Variants in PTPN13 observed in about 807,000 individuals in gnomAD.
PTPN13 encodes the protein tyrosine-protein phosphatase non-receptor type 13.
A neutral mutation model predicts 284.0 loss-of-function variants in PTPN13; 191 were observed. The observed-to-expected ratio is 0.67, with a 90% confidence interval of 0.60 to 0.76. The LOEUF is 0.76. PTPN13 is among the 30% of genes least tolerant of loss of function. PTPN13 has a pLI of 0.00. For synonymous variants in PTPN13, 986 were observed against 1,022.3 expected (o/e 0.96, Z 0.68); for missense variants, 2,797 against 2,939.9 (o/e 0.95, Z 1.12).
chr4:86,674,988 A>C (rs1256184046), intron 3 of PTPN13, among the ~76,000 whole-genome samples: 1 of 152,168 alleles, frequency 6.6e-6, no homozygotes, highest in African/African-American at 2.4e-5. Context: ...AGCATTTAAA[A>C]CCCACAATAA....
At chr4:86,741,913 G>T (rs970567415) in intron 16 of PTPN13, 97 bp downstream of exon 16, 1 of 1,023,344 alleles carries the variant, frequency 9.8e-7, no homozygotes, top group Non-Finnish European at 1.4e-6. Context: ...CTGCCATTCA[G>T]TGGGGATAAT....
chr4:86,722,194 C>A lies in PTPN13; in HGVS notation c.1386-18C>A. On this transcript the variant is annotated intron_variant, in intron 9 of 47. Transcript: ENST00000411767. ...TGTTTTCCTCCCAATCCTCACCTGT[C>A]TCCTCTTTTCTATATAGCAGACAAT... 6.3e-7 allele frequency: 1 copy of A among 1,584,020 alleles called. No individual in the cohort carries two copies. Among genetic ancestry groups the A allele is most frequent in the Non-Finnish European group, 8.7e-7 (1 of 1,153,166 alleles).
At chr4:86,737,063 T>C (rs534267645) in intron 15 of PTPN13, among the ~76,000 whole-genome samples, 11 of 152,164 alleles carry the variant, frequency 7.2e-5, no homozygotes, top group African/African-American at 2.4e-4. Context: ...AAGTGTTTGG[T>C]GAGTTTTTAA....
Position 86,762,919 on chromosome 4 carries a change from C to T in PTPN13, c.3746C>T (p.Ser1249Phe), listed in dbSNP as rs1384108850. 6.2e-7 allele frequency: 1 copy of T among 1,613,766 alleles called. No homozygotes were observed. The highest frequency in any genetic ancestry group is 8.5e-7 in the Non-Finnish European group (1 of 1,179,842). The change falls in exon 24 of 48, where the codon TCC becomes TTC. Residue 1249 changes from serine (S) to phenylalanine (F), a missense_variant. Physicochemically the swap from Ser to Phe is radical, Grantham distance 155. Transcript: ENST00000411767. ...GAAGGAAGCCTGAGTTCTCAAGATT[C>T]CAGGACTGAGAGTGCCAGCTTGTCT... ...LREGSLSSQD[S>F]RTESASLSQS...
At position 86,714,481 on chromosome 4, in the gene PTPN13, C is replaced by T. The variant is rs547726196; in HGVS notation, c.1196-2049C>T. On this transcript the variant is annotated intron_variant, in intron 7 of 47. Transcript: ENST00000411767. The stretch of plus-strand genomic sequence containing the variant: ...ACTACCATTTGCAACTTCAGTCTCT[C>T]CCACTCAACGGGCTTATTATCCACC... Among the ~76,000 whole-genome samples the T allele has an allele frequency of 7.9e-5, 12 of 152,232 alleles. No homozygotes were observed. In the South Asian group the frequency reaches 2.3e-3, roughly 29 times the overall value.
At position 86,785,827 on chromosome 4, in the gene PTPN13, GCC is replaced by G. The variant is rs1380998768; in HGVS notation, c.6257-20_6257-19del. 7.6e-6 allele frequency: 11 copies of G among 1,446,674 alleles called. No homozygotes were observed. Among genetic ancestry groups the G allele is most frequent in the Middle Eastern group, 1.7e-4 (1 of 5,718 alleles). 89.6% of individuals were successfully genotyped at this position (1,446,674 alleles called of 1,614,324 possible). A position where few individuals can be genotyped will look rare whatever the true frequency, so the allele number is the denominator to read the frequency against. On this transcript the variant is annotated intron_variant, in intron 39 of 47. Transcript: ENST00000411767. ...TCAATAGTTTTATAAATTCCTCTTG[GCC>G]TATATATTCCTCTCTCAGGTACATT...
chr4:86,693,941 A>G (rs1730305864), intron 6 of PTPN13, among the ~76,000 whole-genome samples: 1 of 152,058 alleles, frequency 6.6e-6, no homozygotes, highest in South Asian at 2.1e-4. Context: ...TAATAATAAT[A>G]TTTATTTACT....
chr4:86,699,344 C>G (rs1359045407), intron 6 of PTPN13, among the ~76,000 whole-genome samples: 2 of 151,958 alleles, frequency 1.3e-5, no homozygotes, highest in African/African-American at 4.8e-5. Context: ...CAAGATGGCG[C>G]CACTGCACTC....
rs1578307880 is a variant in PTPN13 at position 86,638,356 on chromosome 4, A to C, written c.115+2985A>C. Among the ~76,000 whole-genome samples, 3 of 152,342 alleles carry C rather than the reference A, an allele frequency of 2.0e-5. No individual in the cohort carries two copies. In the East Asian group the frequency reaches 5.8e-4, roughly 29 times the overall value. Reference sequence around the variant, plus strand: ...TAAAGTTCATATGGAACCAAAAAAGAGCCTGCATCGCCAAGTCAGTCCTAA... The same window carrying C: ...TAAAGTTCATATGGAACCAAAAAAGCGCCTGCATCGCCAAGTCAGTCCTAA... On this transcript the variant is annotated intron_variant, in intron 2 of 47. Coordinates refer to ENST00000411767, the MANE Select transcript of PTPN13 (RefSeq NM_080683.3).
chr4:86,597,217 G>A (rs1763896522), intron 1 of PTPN13, among the ~76,000 whole-genome samples: 3 of 149,946 alleles, frequency 2.0e-5, no homozygotes, highest in African/African-American at 7.4e-5. Flanking sequence ...AAATTAAAAT[G>A]GGTCAAATAA....
chr4:86,669,051 C>T (rs188344632), intron 2 of PTPN13, among the ~76,000 whole-genome samples: 25 of 151,646 alleles, frequency 1.6e-4, no homozygotes, highest in African/African-American at 5.8e-4. Flanking sequence ...TTGCTTTGGC[C>T]GTTTCTTCTT....
intron 13 of PTPN13, 138 bp from the exon 14 acceptor site, chr4:86,734,599 T>G (rs1370510683): frequency 7.9e-7 from 1 of 1,273,458 alleles, no homozygotes; most frequent in Non-Finnish European, 1.1e-6. Context: ...ACACAGTTTA[T>G]CTAATCCTTA....
intron 15 of PTPN13, among the ~76,000 whole-genome samples, chr4:86,740,307 T>G (rs1736023752): frequency 6.6e-6 from 1 of 152,128 alleles, no homozygotes; most frequent in South Asian, 2.1e-4. Flanking sequence ...TTTCCATACA[T>G]CCTCTGAAAT....
intron 17 of PTPN13, among the ~76,000 whole-genome samples, chr4:86,746,165 C>T (rs1429018544): frequency 6.6e-6 from 1 of 152,024 alleles, no homozygotes; most frequent in African/African-American, 2.4e-5. Context: ...AAGGAGCCAG[C>T]AGAAGAAACT....
chr4:86,763,021 C>T lies in PTPN13; in HGVS notation c.3848C>T (p.Ser1283Phe), dbSNP rs1738880791. 1 of 1,613,506 alleles carries T rather than the reference C, an allele frequency of 6.2e-7. No homozygotes were observed. The highest frequency in any genetic ancestry group is 1.3e-5 in the African/African-American group (1 of 74,786). The change falls in exon 24 of 48, where the codon TCC becomes TTC. Residue 1283 changes from serine to phenylalanine, a missense_variant. Physicochemically the swap from Ser to Phe is radical, Grantham distance 155. Coordinates refer to ENST00000411767, the MANE Select transcript of PTPN13 (RefSeq NM_080683.3). ...CAGGAATCACAGCATGGCAGCCCTT[C>T]CCCATCTGTAATATCCAAAGCCACC... ...TWQESQHGSP[S>F]PSVISKATEK...
chr4:86,695,913 T>C (rs1426172984), intron 6 of PTPN13, among the ~76,000 whole-genome samples: 1 of 152,048 alleles, frequency 6.6e-6, no homozygotes, highest in African/African-American at 2.4e-5. Context: ...TTTATTTATG[T>C]ATATATGACT....
At chr4:86,775,967 G>C (rs1370774999) in intron 35 of PTPN13, among the ~76,000 whole-genome samples, 3 of 151,928 alleles carry the variant, frequency 2.0e-5, no homozygotes, top group African/African-American at 4.8e-5. Flanking sequence ...TTCTTTTTTA[G>C]ACAGTTTCAC....
At chr4:86,638,268 C>G (rs28817056) in intron 2 of PTPN13, among the ~76,000 whole-genome samples, 1,678 of 152,162 alleles carry the variant, frequency 0.011, 38 homozygotes, top group African/African-American at 0.038. Flanking sequence ...GTAATTTATA[C>G]ATTCAATGCC....
intron 1 of PTPN13, among the ~76,000 whole-genome samples, chr4:86,617,732 T>TCG: frequency 6.6e-6 from 1 of 152,338 alleles, no homozygotes; most frequent in African/African-American, 2.4e-5. Flanking sequence ...ATGTCTTCTT[T>TCG]TGAGAAGTGT....
Sources: gnomAD v4.1 joint callset for allele counts (sites outside exome capture counted in the v4.1 genomes callset) on GRCh38, gnomAD v4.1.1 for gene constraint, MANE v1.5 for transcripts, NCBI Gene and HGNC (gene_info 2026-07-23, HGNC 2026-07-21) for gene names.